Variants in GRID1 observed in about 807,000 individuals in gnomAD.
GRID1 encodes the protein glutamate ionotropic receptor delta type subunit 1.
GRID1 carries 28 observed loss-of-function variants against 98.0 expected under a neutral mutation model. That is an observed-to-expected ratio of 0.29 (90% CI 0.21 to 0.39). The LOEUF (loss-of-function observed/expected upper bound fraction) is 0.39, where lower values mean the gene tolerates loss of function less well. Ranked by LOEUF, GRID1 falls within the 10% of genes least tolerant of loss-of-function variation. The probability of loss-of-function intolerance (pLI) is 1.00; values close to 1 mark genes in which losing one functional copy is unlikely to be tolerated. For missense variants in GRID1, 1,111 were observed against 1,340.5 expected (o/e 0.83, Z 2.67); for synonymous variants, 553 against 538.5 (o/e 1.03, Z -0.37).
At chr10:86,218,560 G>A (rs1027989477) in intron 2 of GRID1, among the ~76,000 whole-genome samples, 46 of 152,310 alleles carry the variant, frequency 3.0e-4, no homozygotes, top group African/African-American at 9.4e-4. Flanking sequence ...CCAGGCTTCA[G>A]GATATAGCGC....
At chr10:85,908,405 G>A (rs1841491401) in intron 5 of GRID1, among the ~76,000 whole-genome samples, 1 of 152,058 alleles carries the variant, frequency 6.6e-6, no homozygotes, top group South Asian at 2.1e-4. Context: ...ATGAACAACT[G>A]GAAATTAAAA....
chr10:86,070,648 A>C (rs1024360926), intron 4 of GRID1, among the ~76,000 whole-genome samples: 1 of 152,136 alleles, frequency 6.6e-6, no homozygotes, highest in African/African-American at 2.4e-5. Flanking sequence ...ACAAGAAAGC[A>C]TCTCTGTGAT....
At chr10:86,252,769 C>A (rs1040308811) in intron 2 of GRID1, among the ~76,000 whole-genome samples, 1 of 152,136 alleles carries the variant, frequency 6.6e-6, no homozygotes, top group South Asian at 2.1e-4. Flanking sequence ...TCTCTGGGGG[C>A]CTCCGGCTGA....
chr10:85,693,597 A>G lies in GRID1; in HGVS notation c.1997+29406T>C, dbSNP rs565100930. 1.1e-4 allele frequency among the ~76,000 whole-genome samples: 17 copies of G among 152,352 alleles called. No individual in the cohort carries two copies. In the South Asian group the frequency reaches 3.3e-3, roughly 30 times the overall value. On this transcript the variant is annotated intron_variant, in intron 12 of 15. Transcript: ENST00000327946. ...GGTATAAAAATAAATACACAGGTCA[A>G]TGAAACAGAATAGAGAACATGGAAA...
chr10:85,633,753 C>T (rs1270082224), intron 13 of GRID1, among the ~76,000 whole-genome samples: 1 of 152,128 alleles, frequency 6.6e-6, no homozygotes, highest in African/African-American at 2.4e-5. Context: ...CTTTGAGGAG[C>T]TACAAAAGAG....
chr10:85,674,248 C>A (rs1412632788), intron 12 of GRID1, among the ~76,000 whole-genome samples: 1 of 152,130 alleles, frequency 6.6e-6, no homozygotes, highest in Non-Finnish European at 1.5e-5. Flanking sequence ...ATATGTTCTC[C>A]CCCTGTGTTC....
chr10:85,797,232 T>G (rs1842533551), intron 8 of GRID1, among the ~76,000 whole-genome samples: 2 of 152,292 alleles, frequency 1.3e-5, no homozygotes, highest in South Asian at 4.1e-4. Context: ...AAATTTCCTT[T>G]TTTTTTAATT....
intron 4 of GRID1, among the ~76,000 whole-genome samples, chr10:85,947,538 G>A (rs528323769): frequency 2.0e-5 from 3 of 152,302 alleles, no homozygotes; most frequent in African/African-American, 4.8e-5. Flanking sequence ...TGTCCCAGGG[G>A]CACTGTGGTC....
intron 4 of GRID1, among the ~76,000 whole-genome samples, chr10:86,132,346 G>A (rs990599449): frequency 2.0e-5 from 3 of 152,160 alleles, no homozygotes; most frequent in African/African-American, 4.8e-5. Context: ...TCTTGAAGCC[G>A]CTGAGTTCCA....
At chr10:85,863,525 C>T (rs1843185959) in intron 6 of GRID1, among the ~76,000 whole-genome samples, 1 of 152,214 alleles carries the variant, frequency 6.6e-6, no homozygotes, top group Non-Finnish European at 1.5e-5. Context: ...CCTGGGCAAG[C>T]ACTGGGCAGG....
At chr10:85,702,314 G>A (rs113459023) in intron 12 of GRID1, among the ~76,000 whole-genome samples, 1 of 151,864 alleles carries the variant, frequency 6.6e-6, no homozygotes, top group Non-Finnish European at 1.5e-5. Context: ...TTGCTAAAAG[G>A]CATGTGAAAA....
intron 4 of GRID1, among the ~76,000 whole-genome samples, chr10:85,954,111 C>T (rs1282259774): frequency 6.6e-6 from 1 of 152,086 alleles, no homozygotes; most frequent in Non-Finnish European, 1.5e-5. Flanking sequence ...CTGAAACTGC[C>T]TTGAAATTAA....
At chr10:85,741,528 C>T (rs111907705) in intron 8 of GRID1, among the ~76,000 whole-genome samples, 239 of 152,138 alleles carry the variant, frequency 1.6e-3, no homozygotes, top group African/African-American at 5.1e-3. Context: ...ACAGTAAAGT[C>T]GGAGAAGAAC....
chr10:85,733,817 A>C (rs1841850688), intron 8 of GRID1, among the ~76,000 whole-genome samples: 1 of 152,210 alleles, frequency 6.6e-6, no homozygotes, highest in South Asian at 2.1e-4. Flanking sequence ...TTTTAAAAGC[A>C]GTGGTAAAAA....
intron 4 of GRID1, among the ~76,000 whole-genome samples, chr10:86,081,859 G>C (rs1325622282): frequency 6.6e-6 from 1 of 152,174 alleles, no homozygotes; most frequent in Non-Finnish European, 1.5e-5. Flanking sequence ...CCTATGAATA[G>C]GCAGAGCACA....
intron 8 of GRID1, among the ~76,000 whole-genome samples, chr10:85,806,386 A>G (rs1697877432): frequency 1.3e-5 from 2 of 152,168 alleles, no homozygotes; most frequent in South Asian, 4.1e-4. Flanking sequence ...GCCAATTTGG[A>G]AAACAGTTCA....
intron 4 of GRID1, among the ~76,000 whole-genome samples, chr10:86,027,571 T>C (rs1489456051): frequency 6.6e-6 from 1 of 152,242 alleles, no homozygotes; most frequent in Non-Finnish European, 1.5e-5. Context: ...TATCTGATTT[T>C]AGTGGCTGAG....
At chr10:86,286,045 G>A (rs900934223) in intron 2 of GRID1, among the ~76,000 whole-genome samples, 7 of 152,098 alleles carry the variant, frequency 4.6e-5, no homozygotes, top group East Asian at 1.9e-4. Context: ...ATTAGATGTC[G>A]GGATAGGGAT....
chr10:85,939,667 A>T (rs1841972998), intron 4 of GRID1, among the ~76,000 whole-genome samples: 1 of 152,146 alleles, frequency 6.6e-6, no homozygotes, highest in Admixed American at 6.5e-5. Flanking sequence ...GGATAACCCA[A>T]ATAAGTTCCC....
Sources: allele counts gnomAD v4.1 joint callset (sites outside exome capture counted in the v4.1 genomes callset), GRCh38; gene constraint gnomAD v4.1.1; transcripts MANE v1.5; gene names NCBI Gene and HGNC (gene_info 2026-07-23, HGNC 2026-07-21).